Variants in SLC2A13 observed in about 807,000 individuals in gnomAD.
The protein encoded by SLC2A13 is solute carrier family 2 member 13, also known as proton myo-inositol cotransporter.
SLC2A13 carries 32 observed loss-of-function variants against 64.4 expected under a neutral mutation model. That is an observed-to-expected ratio of 0.50 (90% CI 0.37 to 0.67). SLC2A13 has a LOEUF of 0.67. Among genes scored for constraint, SLC2A13 ranks in the 30% least tolerant of loss-of-function variants. SLC2A13 has a pLI of 0.00. For synonymous variants in SLC2A13, 338 were observed against 327.1 expected (o/e 1.03, Z -0.36); for missense variants, 743 against 829.2 (o/e 0.90, Z 1.28).
At chr12:39,807,950 A>G (rs1942030055) in intron 7 of SLC2A13, among the ~76,000 whole-genome samples, 1 of 152,184 alleles carries the variant, frequency 6.6e-6, no homozygotes, top group African/African-American at 2.4e-5. Context: ...AATTCTTGGA[A>G]GTCAAGAAAT....
intron 4 of SLC2A13, 64 bp downstream of exon 4, chr12:39,951,193 A>C (rs527612169): frequency 7.2e-7 from 1 of 1,392,776 alleles, no homozygotes; most frequent in Non-Finnish European, 1.0e-6. Flanking sequence ...AATACTTTTC[A>C]CTATTTCACA....
chr12:39,873,624 C>T (rs1458692535), intron 4 of SLC2A13, among the ~76,000 whole-genome samples: 2 of 152,118 alleles, frequency 1.3e-5, no homozygotes, highest in East Asian at 3.8e-4. Context: ...CAAAATAATT[C>T]TTCCATATAG....
chr12:40,073,300 C>A (rs569565721), intron 1 of SLC2A13, among the ~76,000 whole-genome samples: 6 of 152,050 alleles, frequency 3.9e-5, no homozygotes, highest in Non-Finnish European at 8.8e-5. Context: ...TAACAGAAAC[C>A]TCCAAAACTG....
At chr12:39,896,133 C>T (rs1313303887) in intron 4 of SLC2A13, among the ~76,000 whole-genome samples, 5 of 140,444 alleles carry the variant, frequency 3.6e-5, no homozygotes, top group Non-Finnish European at 3.1e-5. Context: ...TATATGTATA[C>T]ACGTGTACCT....
chr12:40,003,107 T>C (rs1426693695), intron 3 of SLC2A13, among the ~76,000 whole-genome samples: 1 of 152,208 alleles, frequency 6.6e-6, no homozygotes, highest in Non-Finnish European at 1.5e-5. Flanking sequence ...GGAGAGATGT[T>C]TGGGAACCAC....
intron 6 of SLC2A13, among the ~76,000 whole-genome samples, chr12:39,842,039 G>T (rs942348780): frequency 6.6e-6 from 1 of 151,960 alleles, no homozygotes; most frequent in Non-Finnish European, 1.5e-5. Context: ...CCTTTTTACA[G>T]AAAAACCTCA....
At chr12:39,767,313 T>TTC (rs1940393399) in intron 7 of SLC2A13, among the ~76,000 whole-genome samples, 1 of 151,340 alleles carries the variant, frequency 6.6e-6, no homozygotes, top group South Asian at 2.1e-4. Flanking sequence ...TTTTTTTTCT[T>TTC]TTCCTGAGCA....
chr12:39,787,271 G>A (rs1360236100), intron 7 of SLC2A13, among the ~76,000 whole-genome samples: 1 of 151,942 alleles, frequency 6.6e-6, no homozygotes, highest in Non-Finnish European at 1.5e-5. Context: ...CCTGAGACAT[G>A]GTATTTTCAT....
chr12:40,105,763 G>T lies in SLC2A13; in HGVS notation c.46C>A (p.Leu16Met). 6.7e-7 allele frequency: 1 copy of T among 1,490,730 alleles called. No homozygotes were observed. 92.3% of individuals were successfully genotyped at this position (1,490,730 alleles called of 1,614,324 possible). ...SENVEYTLRS[L>M]SSLMGERRRK... ...CGCCGCTCGCCCATCAGGCTGCTCA[G>T]GCTCCGCAGCGTGTACTCCACATTC... The change falls in exon 1 of 10, where the codon CTG becomes ATG. Residue 16 changes from leucine to methionine, a missense_variant. By Grantham distance (15) the Leu-to-Met change is conservative. Coordinates refer to ENST00000280871, the MANE Select transcript of SLC2A13 (RefSeq NM_052885.4). This position sits in a 1 kb window ranked among gnomAD's most constrained non-coding sequence, Gnocchi z 4.2.
In SLC2A13 at chr12:40,105,036, C is replaced by T. The variant is rs553110606; in HGVS notation, c.556+217G>A. 1.3e-5 allele frequency among the ~76,000 whole-genome samples: 2 copies of T among 152,156 alleles called. No homozygotes were observed. The highest frequency in any genetic ancestry group is 2.9e-5 in the Non-Finnish European group (2 of 68,020). On this transcript the variant is annotated intron_variant, in intron 1 of 9. Transcript: ENST00000280871. This position sits in a 1 kb window ranked among gnomAD's most constrained non-coding sequence, Gnocchi z 4.2. ...AGATTCCACGTGCGCTCGAGGGAGA[C>T]TAGAGTGACACCCCCTCCCCCCCGA... is the stretch of plus-strand genomic sequence containing the variant.
chr12:39,937,662 T>C (rs1565551106), intron 4 of SLC2A13, among the ~76,000 whole-genome samples: 1 of 152,202 alleles, frequency 6.6e-6, no homozygotes, highest in South Asian at 2.1e-4. Context: ...GCTGATACTT[T>C]ACAAACCATG....
chr12:39,988,361 T>C (rs1239495086), intron 3 of SLC2A13, among the ~76,000 whole-genome samples: 1 of 152,034 alleles, frequency 6.6e-6, no homozygotes, highest in African/African-American at 2.4e-5. Flanking sequence ...ATTGTTTTAA[T>C]TTATATTACT....
chr12:39,997,779 C>T (rs28740216), intron 3 of SLC2A13, among the ~76,000 whole-genome samples: 3,511 of 152,012 alleles, frequency 0.023, 145 homozygotes, highest in African/African-American at 0.08. Flanking sequence ...TGCGGTGAGC[C>T]GAGATCGCAC....
intron 4 of SLC2A13, among the ~76,000 whole-genome samples, chr12:39,913,191 GGAGT>G (rs760404837): frequency 1.3e-5 from 2 of 152,034 alleles, no homozygotes; most frequent in Non-Finnish European, 2.9e-5. Context: ...TCATAGTAGA[GGAGT>G]GAGTTGAAAG....
intron 3 of SLC2A13, among the ~76,000 whole-genome samples, chr12:40,010,558 T>A (rs1047067148): frequency 6.6e-6 from 1 of 152,122 alleles, no homozygotes; most frequent in African/African-American, 2.4e-5. Flanking sequence ...CTTAAGACAG[T>A]TAAGCAAATT....
chr12:40,101,386 T>G (rs1939143274), intron 1 of SLC2A13, among the ~76,000 whole-genome samples: 1 of 152,194 alleles, frequency 6.6e-6, no homozygotes, highest in Non-Finnish European at 1.5e-5. Context: ...TCTTCGCCTT[T>G]GTCAAAGGTT....
intron 3 of SLC2A13, among the ~76,000 whole-genome samples, chr12:39,974,467 T>C (rs770162617): frequency 6.6e-6 from 1 of 152,234 alleles, no homozygotes; most frequent in Non-Finnish European, 1.5e-5. Flanking sequence ...GCATGCATAC[T>C]GCCTGGACAA....
chr12:39,932,750 G>C (rs940884744), intron 4 of SLC2A13, among the ~76,000 whole-genome samples: 4 of 152,068 alleles, frequency 2.6e-5, no homozygotes, highest in Non-Finnish European at 4.4e-5. Flanking sequence ...AGATACAGAG[G>C]AAGATCTTTC....
chr12:39,770,310 A>G (rs1199856679), intron 7 of SLC2A13, among the ~76,000 whole-genome samples: 1 of 152,142 alleles, frequency 6.6e-6, no homozygotes, highest in Non-Finnish European at 1.5e-5. Context: ...CAGAGTTGCT[A>G]TGAACATCTA....
Sources: allele counts gnomAD v4.1 joint callset (sites outside exome capture counted in the v4.1 genomes callset), GRCh38; gene constraint gnomAD v4.1.1; non-coding constraint Gnocchi (gnomAD v3.1); transcripts MANE v1.5; gene names NCBI Gene and HGNC (gene_info 2026-07-23, HGNC 2026-07-21).